ANK2: variants seen among roughly 807,000 people sequenced by gnomAD.
ANK2 encodes ankyrin-2.
In ANK2, 83 loss-of-function variants were observed where a neutral mutation model predicts 360.5. The observed-to-expected ratio is 0.23, with a 90% CI of 0.19 to 0.28. ANK2 has a LOEUF of 0.28. Among genes scored for constraint, ANK2 ranks in the 10% least tolerant of loss-of-function variants. ANK2 has a pLI of 1.00. For missense variants in ANK2, 4,201 were observed against 4,795.7 expected, an observed-to-expected ratio of 0.88 and a Z score of 3.66; for synonymous variants, 1,740 against 1,759.5, an observed-to-expected ratio of 0.99 and a Z score of 0.28.
intron 1 of ANK2, among the ~76,000 whole-genome samples, chr4:113,100,586 AAC>A (rs1423356898): frequency 6.6e-6 from 1 of 152,138 alleles, no homozygotes. Context: ...AGCAAGGCTA[AAC>A]ACAGTCTTAC....
intron 2 of ANK2, among the ~76,000 whole-genome samples, chr4:113,174,773 C>G (rs1032598276): frequency 1.1e-4 from 17 of 152,156 alleles, no homozygotes; most frequent in African/African-American, 4.1e-4. Flanking sequence ...TTTGGGCCAC[C>G]TTTAGCTGGA....
chr4:112,786,545 C>G, the ANK2 span, among the ~76,000 whole-genome samples: 1 of 151,468 alleles, frequency 6.6e-6, no homozygotes, highest in Non-Finnish European at 1.5e-5. Flanking sequence ...TACAGGTGTG[C>G]ACCACCACAC....
the ANK2 span, among the ~76,000 whole-genome samples, chr4:112,745,562 T>C: frequency 2.7e-5 from 4 of 150,924 alleles, no homozygotes; most frequent in Non-Finnish European, 5.9e-5. Context: ...AGACAGAGTT[T>C]CGCTCCTGTT....
chr4:113,137,330 G>A (rs1436454862), intron 1 of ANK2, among the ~76,000 whole-genome samples: 2 of 152,094 alleles, frequency 1.3e-5, no homozygotes, highest in African/African-American at 4.8e-5. Context: ...CAAAGGGATG[G>A]AAAAAAGTAG....
At chr4:112,840,173 T>A (rs1048225153) in intron 1 of ANK2, among the ~76,000 whole-genome samples, 3 of 152,198 alleles carry the variant, frequency 2.0e-5, no homozygotes, top group Non-Finnish European at 4.4e-5. Context: ...GTGTGGTTTG[T>A]AGATCAACTG....
In ANK2 at chr4:113,242,215, T is replaced by C; in HGVS notation, c.891+6T>C. The C allele has an allele frequency of 1.9e-6, 3 of 1,609,846 alleles. No homozygotes were observed. The highest frequency in any genetic ancestry group is 2.6e-6 in the Non-Finnish European group (3 of 1,176,268). Reference sequence around the variant, plus strand: ...AGATCGATGCCAAAACTAGGGTGAGTGTCTCTGTTCTTTCAATTTTCTACC... The same window carrying C: ...AGATCGATGCCAAAACTAGGGTGAGCGTCTCTGTTCTTTCAATTTTCTACC... On this transcript the variant is annotated splice_donor_region_variant and intron_variant, in intron 9 of 45. Transcript: ENST00000357077.
chr4:112,935,587 G>A (rs1037874484), intron 2 of ANK2, among the ~76,000 whole-genome samples: 1 of 152,012 alleles, frequency 6.6e-6, no homozygotes, highest in Non-Finnish European at 1.5e-5. Context: ...TATAAAAATA[G>A]GCCTAACACT....
intron 9 of ANK2, among the ~76,000 whole-genome samples, chr4:113,245,850 G>T (rs765171297): frequency 6.6e-6 from 1 of 151,796 alleles, no homozygotes; most frequent in Non-Finnish European, 1.5e-5. Flanking sequence ...TGTCACCCAG[G>T]CTGGAGTACA....
chr4:113,058,013 A>G (rs1259872416), intron 1 of ANK2, among the ~76,000 whole-genome samples: 1 of 152,128 alleles, frequency 6.6e-6, no homozygotes, highest in Non-Finnish European at 1.5e-5. Context: ...CTTGAACAAG[A>G]AATTTGAGAC....
chr4:112,767,177 T>A, the ANK2 span, among the ~76,000 whole-genome samples: 2,092 of 152,306 alleles, frequency 0.014, 86 homozygotes, highest in East Asian at 0.14. Flanking sequence ...CTACTTTTGT[T>A]ATCAAATTCC....
intron 4 of ANK2, among the ~76,000 whole-genome samples, chr4:113,230,922 T>G (rs1297286471): frequency 6.6e-6 from 1 of 152,220 alleles, no homozygotes; most frequent in Admixed American, 6.5e-5. Flanking sequence ...AGTAAATAAC[T>G]GTGTAAGTGA....
intron 27 of ANK2, 78 bp from the exon 28 acceptor site, chr4:113,331,894 G>A (rs2092536679): frequency 4.5e-6 from 6 of 1,326,028 alleles, no homozygotes; most frequent in Admixed American, 3.4e-5. Flanking sequence ...ATCAGCTGGC[G>A]ACGCTGGGGT....
chr4:113,265,606 T>C (rs969577678), intron 14 of ANK2, among the ~76,000 whole-genome samples: 1 of 152,248 alleles, frequency 6.6e-6, no homozygotes, highest in Non-Finnish European at 1.5e-5. Flanking sequence ...TAGCTTGTAA[T>C]TCCTTCACAA....
At position 112,911,490 on chromosome 4, in the gene ANK2, T is replaced by G. The variant is rs565439944; in HGVS notation, c.21+6976T>G. 9.0e-3 allele frequency among the ~76,000 whole-genome samples: 1,369 copies of G among 152,086 alleles called. 17 individuals are homozygous for G. The highest frequency in any genetic ancestry group is 0.017 in the Middle Eastern group (5 of 294). The stretch of plus-strand genomic sequence containing the variant: ...GTGAGCGGAGATCGAACCACTGCAC[T>G]CCAGCCTGGGCAACAGAGCGATATA... On this transcript the variant is annotated intron_variant, in intron 2 of 30. Transcript: ENST00000503271.
At chr4:112,729,095 G>A in the ANK2 span, among the ~76,000 whole-genome samples, 1 of 151,972 alleles carries the variant, frequency 6.6e-6, no homozygotes, top group Admixed American at 6.6e-5. Flanking sequence ...TGGTGCTTAG[G>A]GGATGAGGCG....
chr4:113,058,455 G>C (rs2071284192), intron 1 of ANK2, among the ~76,000 whole-genome samples: 1 of 152,014 alleles, frequency 6.6e-6, no homozygotes, highest in Non-Finnish European at 1.5e-5. Context: ...CCCAGTTTAG[G>C]TGGGAGGTAT....
chr4:112,831,424 A>G (rs1430053902), intron 1 of ANK2, among the ~76,000 whole-genome samples: 1 of 152,154 alleles, frequency 6.6e-6, no homozygotes, highest in African/African-American at 2.4e-5. Flanking sequence ...TTTTGTGTCT[A>G]GCTAAAGGAT....
At chr4:112,866,806 T>C (rs987312752) in intron 1 of ANK2, among the ~76,000 whole-genome samples, 1 of 152,188 alleles carries the variant, frequency 6.6e-6, no homozygotes, top group Non-Finnish European at 1.5e-5. Context: ...ATTCTTTTTT[T>C]CCTTTTCTCT....
intron 43 of ANK2, among the ~76,000 whole-genome samples, chr4:113,372,339 A>G (rs1291268642): frequency 6.6e-5 from 10 of 152,170 alleles, no homozygotes; most frequent in South Asian, 2.1e-4. Flanking sequence ...TTGAACAACA[A>G]CAACAAAAAA....
Sources: gnomAD v4.1 joint callset for allele counts (sites outside exome capture counted in the v4.1 genomes callset) on GRCh38, gnomAD v4.1.1 for gene constraint, MANE v1.5 for transcripts, NCBI Gene and HGNC (gene_info 2026-07-23, HGNC 2026-07-21) for gene names.